Variants in ABHD2 observed in about 807,000 individuals in gnomAD.
ABHD2 encodes the protein monoacylglycerol lipase ABHD2.
A neutral mutation model predicts 48.1 loss-of-function variants in ABHD2; 20 were observed. The observed-to-expected ratio is 0.42, with a 90% CI of 0.29 to 0.60. The LOEUF (loss-of-function observed/expected upper bound fraction) is 0.60. ABHD2 is among the 20% of genes least tolerant of loss of function. ABHD2 has a pLI of 0.24. For missense variants in ABHD2, 405 were observed against 550.9 expected, an observed-to-expected ratio of 0.74 and a Z score of 2.65; for synonymous variants, 209 against 214.2, an observed-to-expected ratio of 0.98 and a Z score of 0.21.
intron 3 of ABHD2, chr15:89,136,049 C>G (rs1323632163): frequency 4.7e-6 from 1 of 211,724 alleles, no homozygotes; most frequent in East Asian, 1.4e-4. Context: ...GCCTCAGCCT[C>G]CCGAGTAGCT....
chr15:89,176,058 C>T lies in ABHD2; in HGVS notation c.722+63C>T, dbSNP rs776170737. 67 of 1,473,154 alleles carry T rather than the reference C, an allele frequency of 4.5e-5. 1 individual carries two copies. The Admixed American group carries it at 9.8e-4, about 22-fold the overall frequency. The allele number at this position is 1,473,154 out of a possible 1,614,324, so 91.3% of individuals were successfully genotyped here. On this transcript the variant is annotated intron_variant, in intron 6 of 10. Transcript: ENST00000352732. This position sits in a 1 kb window ranked among gnomAD's most constrained non-coding sequence, Gnocchi z 4.5. ...GCCCTTATTTATAGAGATGCCCCGA[C>T]GCACAACACACTGTTCTGTGAAGAC...
chr15:89,104,985 A>T lies in ABHD2; in HGVS notation c.-106-8740A>T, dbSNP rs765150480. Among the ~76,000 whole-genome samples, 20 of 152,188 alleles carry T rather than the reference A, an allele frequency of 1.3e-4. No homozygotes were observed. Among genetic ancestry groups the T allele is most frequent in the Non-Finnish European group, 2.4e-4 (16 of 68,036 alleles). ...GATTTTTAAAAATATGTTTAGGATAAATCTCACAATTCATATGCCTGTTCT... is the reference window on the plus strand; with the variant it reads ...GATTTTTAAAAATATGTTTAGGATATATCTCACAATTCATATGCCTGTTCT... On this transcript the variant is annotated intron_variant, in intron 1 of 10. Coordinates refer to ENST00000352732, the MANE Select transcript of ABHD2 (RefSeq NM_152924.5). The surrounding 1 kb of genome is among the most constrained non-coding windows in gnomAD (Gnocchi z 4.4).
the ABHD2 span, among the ~76,000 whole-genome samples, chr15:89,056,401 T>G: frequency 1.3e-5 from 2 of 152,238 alleles, no homozygotes; most frequent in Admixed American, 6.5e-5. Context: ...GTGGCAGGAA[T>G]TTGAATCTTT....
At position 89,146,891 on chromosome 15, in the gene ABHD2, A is replaced by G. The variant is rs1209530304; in HGVS notation, c.195-4786A>G. On this transcript the variant is annotated intron_variant, in intron 3 of 10. Coordinates refer to ENST00000352732, the MANE Select transcript of ABHD2 (RefSeq NM_152924.5). This position sits in a 1 kb window ranked among gnomAD's most constrained non-coding sequence, Gnocchi z 4.2. ...TATATATTTGTCGTGTTTCCAATCA[A>G]AAATCTAAAATTTTTATAGAACTAA... is the stretch of plus-strand genomic sequence containing the variant. Among the ~76,000 whole-genome samples the G allele has an allele frequency of 6.6e-6, 1 of 152,236 alleles. No homozygotes were observed. The highest frequency in any genetic ancestry group is 2.4e-5 in the African/African-American group (1 of 41,468).
At chr15:89,057,472 G>T in the ABHD2 span, among the ~76,000 whole-genome samples, 1 of 152,188 alleles carries the variant, frequency 6.6e-6, no homozygotes, top group African/African-American at 2.4e-5. Flanking sequence ...GGAACTCCAA[G>T]GATTGATTTT....
rs889386621 is a variant in ABHD2 at position 89,094,662 on chromosome 15, C to T, written c.-107+6099C>T. ...GGCAGAGGCTGCCGTGAGCCAAGAT[C>T]GCACCACTGCACTCCAGCCTGGGCG... is the stretch of plus-strand genomic sequence containing the variant. On this transcript the variant is annotated intron_variant, in intron 1 of 10. Transcript: ENST00000352732. This position sits in a 1 kb window ranked among gnomAD's most constrained non-coding sequence, Gnocchi z 4.7. 1.3e-4 allele frequency among the ~76,000 whole-genome samples: 19 copies of T among 151,520 alleles called. No individual in the cohort carries two copies. Among genetic ancestry groups the T allele is most frequent in the Non-Finnish European group, 2.2e-4 (15 of 67,818 alleles).
chr15:89,065,933 T>C, the ABHD2 span, among the ~76,000 whole-genome samples: 1 of 152,180 alleles, frequency 6.6e-6, no homozygotes, highest in Non-Finnish European at 1.5e-5. Flanking sequence ...CCTGGCACTT[T>C]ACATACATTA....
the ABHD2 span, among the ~76,000 whole-genome samples, chr15:89,044,879 C>A: frequency 3.0e-4 from 46 of 151,498 alleles, no homozygotes; most frequent in Non-Finnish European, 1.2e-4. Context: ...ATGGTAGTTT[C>A]TTTTGCTGTT....
chr15:89,056,608 A>G, the ABHD2 span, among the ~76,000 whole-genome samples: 1 of 152,058 alleles, frequency 6.6e-6, no homozygotes, highest in Non-Finnish European at 1.5e-5. Context: ...GCACCACTGC[A>G]CTCCAGCCTG....
At chr15:89,054,691 A>G in the ABHD2 span, among the ~76,000 whole-genome samples, 14 of 147,834 alleles carry the variant, frequency 9.5e-5, no homozygotes, top group Non-Finnish European at 1.8e-4. Flanking sequence ...AAAAAAGAAA[A>G]AAGAAAAAAA....
chr15:89,193,165 T>G, intron 9 of ABHD2, 70 bp from the exon 10 acceptor site: 39 of 1,469,210 alleles, frequency 2.7e-5, no homozygotes, highest in Non-Finnish European at 3.5e-5. Flanking sequence ...GCAGTGAGTT[T>G]GAGCCTTGAA....
chr15:89,201,291 C>G lies in ABHD2; in HGVS notation c.*5868C>G. 2 of 1,150,330 alleles carry G rather than the reference C, an allele frequency of 1.7e-6. No individual in the cohort carries two copies. The highest frequency in any genetic ancestry group is 1.3e-6 in the Non-Finnish European group (1 of 774,862). 71.3% of individuals were successfully genotyped at this position (1,150,330 alleles called of 1,614,324 possible). The stretch of plus-strand genomic sequence containing the variant: ...TCTCCCTGAAGTCTTTTACACTCTT[C>G]TGTTAGTTTCCTTGTTTCAGTATCA... On this transcript the variant is annotated 3_prime_UTR_variant, in exon 11 of 11. Transcript: ENST00000352732.
chr15:89,091,780 T>C lies in ABHD2; in HGVS notation c.-107+3217T>C, dbSNP rs142412013. 3.9e-3 allele frequency among the ~76,000 whole-genome samples: 587 copies of C among 152,340 alleles called. No homozygotes were observed. The highest frequency in any genetic ancestry group is 0.013 in the African/African-American group (557 of 41,576). ...ACAGCTTACAGTATTCCCATTTTTA[T>C]TGCATTGTGAGTTTTGAGTACTCCA... On this transcript the variant is annotated intron_variant, in intron 1 of 10. Transcript: ENST00000352732. This position sits in a 1 kb window ranked among gnomAD's most constrained non-coding sequence, Gnocchi z 5.5.
In ABHD2 at chr15:89,116,569, G is replaced by C. The variant is rs146641917; in HGVS notation, c.194+48G>C. The stretch of plus-strand genomic sequence containing the variant: ...GTATGCTCAGCTGCTGATGTATTTG[G>C]CTTTGTGTGATGTTCAAAGAAGAAA... On this transcript the variant is annotated intron_variant, in intron 3 of 10. Transcript: ENST00000352732. This position sits in a 1 kb window ranked among gnomAD's most constrained non-coding sequence, Gnocchi z 4.6. 3.2e-5 allele frequency: 50 copies of C among 1,566,210 alleles called. No individual in the cohort carries two copies. The highest frequency in any genetic ancestry group is 1.7e-4 in the Middle Eastern group (1 of 5,822).
intron 5 of ABHD2, among the ~76,000 whole-genome samples, chr15:89,169,803 T>C (rs1343218279): frequency 6.6e-6 from 1 of 152,100 alleles, no homozygotes; most frequent in Non-Finnish European, 1.5e-5. Context: ...AGATTCATAT[T>C]TAAAAAGAAA....
chr15:89,119,360 C>A (rs113657893), intron 3 of ABHD2, among the ~76,000 whole-genome samples: 4,475 of 152,250 alleles, frequency 0.029, 101 homozygotes, highest in Non-Finnish European at 0.039. Flanking sequence ...TCCTTCAACT[C>A]ACCTCTTATT....
At chr15:89,101,859 C>T (rs1035857056) in intron 1 of ABHD2, among the ~76,000 whole-genome samples, 3 of 152,150 alleles carry the variant, frequency 2.0e-5, no homozygotes, top group Non-Finnish European at 2.9e-5. Flanking sequence ...AAATGGTGAA[C>T]GTCAGTGCTT....
rs2049961479 is a variant in ABHD2 at position 89,116,383 on chromosome 15, T to G, written c.56T>G (p.Leu19Arg). The change falls in exon 3 of 11, where the codon CTG becomes CGG. Residue 19 changes from leucine to arginine, a missense_variant. Transcript: ENST00000352732. This position sits in a 1 kb window ranked among gnomAD's most constrained non-coding sequence, Gnocchi z 4.6. ...ELPAVFDGVK[L>R]AAVAAVLYVI... ...CCAGCCGTGTTTGATGGAGTGAAGC[T>G]GGCTGCAGTGGCTGCTGTGCTGTAC... is the stretch of plus-strand genomic sequence containing the variant. 6.2e-7 allele frequency: 1 copy of G among 1,614,234 alleles called. No individual in the cohort carries two copies. The highest frequency in any genetic ancestry group is 8.5e-7 in the Non-Finnish European group (1 of 1,180,034).
intron 9 of ABHD2, among the ~76,000 whole-genome samples, chr15:89,192,042 T>G (rs377600286): frequency 6.6e-6 from 1 of 152,230 alleles, no homozygotes; most frequent in South Asian, 2.1e-4. Context: ...TTGTTTTACC[T>G]GAATGACCAA....
Sources: allele counts gnomAD v4.1 joint callset (sites outside exome capture counted in the v4.1 genomes callset), GRCh38; gene constraint gnomAD v4.1.1; non-coding constraint Gnocchi (gnomAD v3.1); transcripts MANE v1.5; gene names NCBI Gene and HGNC (gene_info 2026-07-23, HGNC 2026-07-21).